The following PTPRD variants were observed in gnomAD, a reference collection of about 807,000 sequenced individuals.
PTPRD encodes protein tyrosine phosphatase receptor type D.
PTPRD carries 34 observed loss-of-function variants against 214.5 expected under a neutral mutation model. The ratio of observed to expected loss-of-function variants is 0.16; its 90% confidence interval spans 0.12 to 0.21. The LOEUF (loss-of-function observed/expected upper bound fraction) is 0.21, where lower values mean the gene tolerates loss of function less well. PTPRD is among the 10% of genes least tolerant of loss of function. The pLI, the probability that PTPRD is intolerant of heterozygous loss-of-function variation, is 1.00. For missense variants in PTPRD, 2,545 were observed against 2,398.7 expected, an observed-to-expected ratio of 1.06 and a Z score of -1.27; for synonymous variants, 1,128 against 845.7, an observed-to-expected ratio of 1.33 and a Z score of -5.79.
chr9:9,457,309 C>T (rs939946796), intron 8 of PTPRD, among the ~76,000 whole-genome samples: 9 of 151,930 alleles, frequency 5.9e-5, no homozygotes, highest in Admixed American at 5.3e-4. Flanking sequence ...TTATGATAAT[C>T]GGTCTCTCTA....
At chr9:8,597,762 G>C (rs75690636) in intron 14 of PTPRD, among the ~76,000 whole-genome samples, 1 of 152,122 alleles carries the variant, frequency 6.6e-6, no homozygotes, top group South Asian at 2.1e-4. Flanking sequence ...ATACTTATGT[G>C]GCTTGGCATT....
intron 39 of PTPRD, among the ~76,000 whole-genome samples, chr9:8,349,611 C>T (rs990436707): frequency 6.6e-6 from 1 of 152,222 alleles, no homozygotes; most frequent in Non-Finnish European, 1.5e-5. Context: ...TTATTTTTAT[C>T]TGTTTTCTGT....
intron 7 of PTPRD, among the ~76,000 whole-genome samples, chr9:9,629,240 A>ATG (rs1345244393): frequency 1.7e-5 from 2 of 116,850 alleles, no homozygotes; most frequent in Admixed American, 8.6e-5. Flanking sequence ...GTGTGTGTGT[A>ATG]TATATATATA....
At chr9:8,489,913 G>T (rs1015471072) in intron 27 of PTPRD, among the ~76,000 whole-genome samples, 1 of 152,204 alleles carries the variant, frequency 6.6e-6, no homozygotes, top group Non-Finnish European at 1.5e-5. Flanking sequence ...GTTGAGTGAG[G>T]AAATAAAGAC....
intron 2 of PTPRD, among the ~76,000 whole-genome samples, chr9:10,606,811 C>T (rs991646745): frequency 2.6e-5 from 4 of 151,878 alleles, no homozygotes; most frequent in Non-Finnish European, 5.9e-5. Flanking sequence ...CCCTTTTTAA[C>T]ACAAACTACA....
Position 10,555,053 on chromosome 9 carries a change from G to T in PTPRD, c.-600+57345C>A, listed in dbSNP as rs971810811. On this transcript the variant is annotated intron_variant, in intron 2 of 45. Transcript: ENST00000381196. ...ACCCATTTCCATTGCTCTAAATTAT[G>T]AAATTGTTATAATTTATTTGACTGG... 2.0e-5 allele frequency among the ~76,000 whole-genome samples: 3 copies of T among 152,116 alleles called. No homozygotes were observed. The South Asian group carries it at 6.2e-4, about 31-fold the overall frequency.
At chr9:9,261,323 C>T (rs1337893957) in intron 9 of PTPRD, among the ~76,000 whole-genome samples, 1 of 151,756 alleles carries the variant, frequency 6.6e-6, no homozygotes, top group Non-Finnish European at 1.5e-5. Flanking sequence ...TAAAATACCT[C>T]CTATTTCAAA....
chr9:8,379,042 A>G (rs2084128289), intron 37 of PTPRD, among the ~76,000 whole-genome samples: 1 of 152,164 alleles, frequency 6.6e-6, no homozygotes, highest in South Asian at 2.1e-4. Context: ...CGCTGTGAAA[A>G]TTTCTAGCTA....
At chr9:8,321,603 G>A (rs188013122) in intron 44 of PTPRD, among the ~76,000 whole-genome samples, 6 of 148,590 alleles carry the variant, frequency 4.0e-5, no homozygotes, top group Admixed American at 3.4e-4. Flanking sequence ...AAAACAATGA[G>A]AACAGGCACA....
chr9:9,919,474 T>A (rs1651823003), intron 5 of PTPRD, among the ~76,000 whole-genome samples: 1 of 152,156 alleles, frequency 6.6e-6, no homozygotes, highest in African/African-American at 2.4e-5. Flanking sequence ...ACCCTTTAGA[T>A]GGCTGTGGAG....
At chr9:8,359,093 G>C (rs1290228092) in intron 39 of PTPRD, among the ~76,000 whole-genome samples, 1 of 107,558 alleles carries the variant, frequency 9.3e-6, no homozygotes, top group Non-Finnish European at 1.7e-5. Context: ...GGGCCACAGA[G>C]CGAGACTCCG....
In PTPRD at chr9:9,751,795, T is replaced by G. The variant is rs372685059; in HGVS notation, c.-326+15015A>C. ...GAGCTATGAAATAATCAATGTCTGT[T>G]GTTTAAGCTGCTCAGTTTGTACTAC... On this transcript the variant is annotated intron_variant, in intron 6 of 45. Transcript: ENST00000381196. 1.4e-4 allele frequency among the ~76,000 whole-genome samples: 21 copies of G among 152,232 alleles called. No individual in the cohort carries two copies. In the East Asian group the frequency reaches 2.9e-3, roughly 21 times the overall value.
intron 43 of PTPRD, among the ~76,000 whole-genome samples, chr9:8,334,155 G>A (rs946054001): frequency 6.6e-5 from 10 of 152,144 alleles, no homozygotes; most frequent in African/African-American, 2.2e-4. Context: ...GGACATTCAG[G>A]ACTTGAAGTC....
At chr9:8,551,812 T>G (rs1175712692) in intron 14 of PTPRD, among the ~76,000 whole-genome samples, 1 of 152,214 alleles carries the variant, frequency 6.6e-6, no homozygotes. Flanking sequence ...AGAATAAACC[T>G]GCACAGACTT....
intron 8 of PTPRD, among the ~76,000 whole-genome samples, chr9:9,457,840 AT>A (rs2093225941): frequency 1.3e-5 from 2 of 152,090 alleles, no homozygotes; most frequent in African/African-American, 4.8e-5. Flanking sequence ...ACCCCAGGGC[AT>A]TTTTTCCCCA....
At chr9:8,515,038 G>A (rs2138186615) in intron 21 of PTPRD, among the ~76,000 whole-genome samples, 1 of 152,254 alleles carries the variant, frequency 6.6e-6, no homozygotes, top group South Asian at 2.1e-4. Context: ...CCCTAGCCAT[G>A]TGAAATTGTG....
rs1374978319 is a variant in PTPRD, at chr9:10,064,714, A to G, written c.-544-30924T>C. On this transcript the variant is annotated intron_variant, in intron 3 of 45. Coordinates refer to ENST00000381196, the MANE Select transcript of PTPRD (RefSeq NM_002839.4). ...TGACCAAAGCCATATGTCACCCCCA[A>G]CCTGAGGGACAGAATCATTTACACC... Among the ~76,000 whole-genome samples, 3 of 152,008 alleles carry G rather than the reference A, an allele frequency of 2.0e-5. No individual in the cohort carries two copies. In the South Asian group the frequency reaches 6.2e-4, roughly 31 times the overall value.
At chr9:8,468,704 A>T (rs934062406) in intron 31 of PTPRD, among the ~76,000 whole-genome samples, 4 of 151,492 alleles carry the variant, frequency 2.6e-5, no homozygotes, top group East Asian at 2.0e-4. Flanking sequence ...AAATTACTTG[A>T]TCAAATACAT....
At chr9:9,748,544 A>G (rs2098481675) in intron 6 of PTPRD, among the ~76,000 whole-genome samples, 1 of 152,208 alleles carries the variant, frequency 6.6e-6, no homozygotes, top group Non-Finnish European at 1.5e-5. Context: ...AATAATTATA[A>G]CGACAGAAAA....
Sources: gnomAD v4.1 joint callset for allele counts (sites outside exome capture counted in the v4.1 genomes callset) on GRCh38, gnomAD v4.1.1 for gene constraint, MANE v1.5 for transcripts, NCBI Gene and HGNC (gene_info 2026-07-23, HGNC 2026-07-21) for gene names.